GASK1A: variants seen among roughly 807,000 people sequenced by gnomAD.
GASK1A encodes Golgi-associated kinase 1A.
Under a neutral mutation model 41.2 loss-of-function variants are expected in GASK1A, and 40 were observed. That is an observed-to-expected ratio of 0.97 (90% CI 0.75 to 1.27). GASK1A has a LOEUF of 1.27. Ranked by LOEUF, GASK1A falls within the 50% of genes most tolerant of loss-of-function variation. The pLI is 0.00. For synonymous variants in GASK1A, 316 were observed against 307.1 expected, an observed-to-expected ratio of 1.03 and a Z score of -0.30; for missense variants, 678 against 745.1, an observed-to-expected ratio of 0.91 and a Z score of 1.05.
intron 1 of GASK1A, among the ~76,000 whole-genome samples, chr3:42,998,803 T>C (rs1480444156): frequency 2.0e-5 from 3 of 152,208 alleles, no homozygotes; most frequent in African/African-American, 7.2e-5. Flanking sequence ...ATATCACTTC[T>C]CTGGTTATAG....
In GASK1A at chr3:42,984,244, A is replaced by G. The variant is rs2089296415; in HGVS notation, c.3+4599A>G. On this transcript the variant is annotated intron_variant, in intron 1 of 4. Coordinates refer to ENST00000430121, the MANE Select transcript of GASK1A (RefSeq NM_001129908.3). The surrounding 1 kb of genome is among the most constrained non-coding windows in gnomAD (Gnocchi z 4.2). ...CTGAGATTGAGGATGAGAGGGAGCC[A>G]TGATTGTGGGAAAATCCCAGGCCGC... Among the ~76,000 whole-genome samples, 1 of 152,010 alleles carries G rather than the reference A, an allele frequency of 6.6e-6. No individual in the cohort carries two copies. Among genetic ancestry groups the G allele is most frequent in the African/African-American group, 2.4e-5 (1 of 41,386 alleles).
rs1052917829 is a variant in GASK1A, at chr3:43,056,623, T to A, written c.*237T>A. ...TTGCACCAACAAATACATTCGAAAA[T>A]GTTCTGTGAGCTGCTCAAGAAACTG... is the stretch of plus-strand genomic sequence containing the variant. On this transcript the variant is annotated 3_prime_UTR_variant, in exon 5 of 5. Transcript: ENST00000430121. The A allele has an allele frequency of 2.2e-6, 1 of 445,814 alleles. No homozygotes were observed. The highest frequency in any genetic ancestry group is 4.1e-6 in the Non-Finnish European group (1 of 246,052). 27.6% of individuals were successfully genotyped at this position (445,814 alleles called of 1,614,324 possible).
intron 2 of GASK1A, among the ~76,000 whole-genome samples, chr3:43,045,356 T>C (rs1402333908): frequency 6.6e-6 from 1 of 152,178 alleles, no homozygotes; most frequent in African/African-American, 2.4e-5. Context: ...TTTTAGACCC[T>C]GGACCCTGGA....
chr3:43,041,310 A>C (rs1016146024), intron 2 of GASK1A, among the ~76,000 whole-genome samples: 2 of 152,116 alleles, frequency 1.3e-5, no homozygotes, highest in African/African-American at 4.8e-5. Context: ...ACTGACTTCC[A>C]CAATGGTTGA....
At chr3:43,034,054 G>A (rs1012740089) in intron 2 of GASK1A, among the ~76,000 whole-genome samples, 2 of 152,192 alleles carry the variant, frequency 1.3e-5, no homozygotes, top group Non-Finnish European at 1.5e-5. Context: ...AGCAGCAAAT[G>A]CTACAAATCA....
At chr3:42,983,294 T>C (rs1226389964) in intron 1 of GASK1A, among the ~76,000 whole-genome samples, 2 of 152,058 alleles carry the variant, frequency 1.3e-5, no homozygotes, top group Non-Finnish European at 2.9e-5. Context: ...TGCTGTAAGA[T>C]TGGGGGCTTT....
chr3:43,027,763 A>T (rs2089553122), intron 1 of GASK1A, among the ~76,000 whole-genome samples: 2 of 152,224 alleles, frequency 1.3e-5, no homozygotes, highest in African/African-American at 2.4e-5. Context: ...AAAACATAGT[A>T]CAAGACTTCA....
At position 42,979,382 on chromosome 3, in the gene GASK1A, C is replaced by A; in HGVS notation, c.-261C>A. 2.5e-6 allele frequency: 1 copy of A among 392,852 alleles called. No homozygotes were observed. The highest frequency in any genetic ancestry group is 3.6e-5 in the East Asian group (1 of 27,544). 24.3% of individuals were successfully genotyped at this position (392,852 alleles called of 1,614,324 possible). A position where few individuals can be genotyped will look rare whatever the true frequency, so the allele number is the denominator to read the frequency against. ...GGCCGCGGGTAGGCTCCCTCAGATC[C>A]CCGTAGATCTCAGTAGATCCGGCGT... On this transcript the variant is annotated 5_prime_UTR_variant, in exon 1 of 5. Transcript: ENST00000430121.
intron 1 of GASK1A, among the ~76,000 whole-genome samples, chr3:42,997,130 C>T (rs867189946): frequency 1.3e-5 from 2 of 152,368 alleles, no homozygotes; most frequent in Non-Finnish European, 2.9e-5. Flanking sequence ...CAGTGTTCCT[C>T]ATTTGGGACA....
intron 1 of GASK1A, among the ~76,000 whole-genome samples, chr3:42,997,675 G>A (rs746713044): frequency 1.1e-4 from 16 of 152,156 alleles, no homozygotes; most frequent in Non-Finnish European, 7.3e-5. Flanking sequence ...CATCTATTGC[G>A]GGTCTAGAAT....
At chr3:43,010,745 C>G (rs575270199) in intron 1 of GASK1A, among the ~76,000 whole-genome samples, 2 of 152,230 alleles carry the variant, frequency 1.3e-5, no homozygotes, top group East Asian at 1.9e-4. Flanking sequence ...CATTCCTTCC[C>G]CAGCACTAGC....
In GASK1A at chr3:43,056,571, C is replaced by A; in HGVS notation, c.*185C>A. The stretch of plus-strand genomic sequence containing the variant: ...TTCAATCTCAAAGCGTCCCTTTCTG[C>A]CTTCTCGGCTCTGGCTATTTATTCC... On this transcript the variant is annotated 3_prime_UTR_variant, in exon 5 of 5. Transcript: ENST00000430121. The A allele has an allele frequency of 1.8e-6, 1 of 548,340 alleles. No individual in the cohort carries two copies. The highest frequency in any genetic ancestry group is 3.2e-5 in the South Asian group (1 of 31,694). The allele number at this position is 548,340 out of a possible 1,614,324, so 34.0% of individuals were successfully genotyped here. A position where few individuals can be genotyped will look rare whatever the true frequency, so the allele number is the denominator to read the frequency against.
chr3:43,010,966 C>G (rs890067551), intron 1 of GASK1A, among the ~76,000 whole-genome samples: 1 of 152,148 alleles, frequency 6.6e-6, no homozygotes, highest in Non-Finnish European at 1.5e-5. Context: ...CCTTTAGCCT[C>G]TTACCTTCCC....
chr3:43,056,455 G>A lies in GASK1A; in HGVS notation c.*69G>A. On this transcript the variant is annotated 3_prime_UTR_variant, in exon 5 of 5. Transcript: ENST00000430121. ...ACATTTTCTTGGGCTCACTCATCTTGAGGACAAATGGGAAAAGCCAGAAGC... is the reference window on the plus strand; with the variant it reads ...ACATTTTCTTGGGCTCACTCATCTTAAGGACAAATGGGAAAAGCCAGAAGC... The A allele has an allele frequency of 5.9e-6, 8 of 1,358,778 alleles. 1 individual carries two copies. The highest frequency in any genetic ancestry group is 1.6e-5 in the South Asian group (1 of 63,848). The allele number at this position is 1,358,778 out of a possible 1,614,324, so 84.2% of individuals were successfully genotyped here.
Position 43,056,523 on chromosome 3 carries a change from G to C in GASK1A, c.*137G>C. The C allele has an allele frequency of 2.7e-6, 2 of 739,752 alleles. No individual in the cohort carries two copies. The highest frequency in any genetic ancestry group is 4.3e-6 in the Non-Finnish European group (2 of 465,226). The allele number at this position is 739,752 out of a possible 1,614,324, so 45.8% of individuals were successfully genotyped here. A position where few individuals can be genotyped will look rare whatever the true frequency, so the allele number is the denominator to read the frequency against. ...GTCACGGGATATTTCACCTGCCTGG[G>C]ATGGTGGAGGTAGTATGGGGTTTTC... On this transcript the variant is annotated 3_prime_UTR_variant, in exon 5 of 5. Coordinates refer to ENST00000430121, the MANE Select transcript of GASK1A (RefSeq NM_001129908.3).
At chr3:43,031,885 C>T (rs2089577650) in intron 1 of GASK1A, among the ~76,000 whole-genome samples, 1 of 152,128 alleles carries the variant, frequency 6.6e-6, no homozygotes, top group African/African-American at 2.4e-5. Context: ...AGAATGGGCC[C>T]ATGGGATCAC....
chr3:43,024,619 T>C (rs2089537311), intron 1 of GASK1A, among the ~76,000 whole-genome samples: 1 of 152,088 alleles, frequency 6.6e-6, no homozygotes, highest in Non-Finnish European at 1.5e-5. Context: ...AAAAGAGCCT[T>C]GGAGATTGGA....
chr3:43,019,757 AACACACACACAC>A (rs148054172), intron 1 of GASK1A, among the ~76,000 whole-genome samples: 1 of 146,610 alleles, frequency 6.8e-6, no homozygotes, highest in African/African-American at 2.5e-5. Context: ...TTCCGTTTTT[AACACACACACAC>A]ACACACACAC....
At chr3:43,036,331 T>C (rs2089604192) in intron 2 of GASK1A, among the ~76,000 whole-genome samples, 1 of 152,212 alleles carries the variant, frequency 6.6e-6, no homozygotes, top group Admixed American at 6.5e-5. Context: ...GGCAGGGCTG[T>C]AGAACGTGGG....
Sources: gnomAD v4.1 joint callset for allele counts (sites outside exome capture counted in the v4.1 genomes callset) on GRCh38, gnomAD v4.1.1 for gene constraint, Gnocchi (gnomAD v3.1) non-coding constraint, MANE v1.5 for transcripts, NCBI Gene and HGNC (gene_info 2026-07-23, HGNC 2026-07-21) for gene names.